Variants in ACSS3 observed in about 807,000 individuals in gnomAD.
ACSS3 encodes the protein acyl-CoA synthetase short chain family member 3, also known as acyl-CoA synthetase short-chain family member 3, mitochondrial.
A neutral mutation model predicts 84.2 loss-of-function variants in ACSS3; 64 were observed. That is an observed-to-expected ratio of 0.76 (90% CI 0.62 to 0.94). The LOEUF (loss-of-function observed/expected upper bound fraction) is 0.94, where lower values mean the gene tolerates loss of function less well. Ranked by LOEUF, ACSS3 falls within the 40% of genes least tolerant of loss-of-function variation. ACSS3 has a pLI of 0.00. For missense variants in ACSS3, 815 were observed against 867.6 expected (o/e 0.94, Z 0.76); for synonymous variants, 317 against 310.1 (o/e 1.02, Z -0.23).
At position 81,101,195 on chromosome 12, in the gene ACSS3, A is replaced by T. The variant is rs951324188; in HGVS notation, c.312-8365A>T. ...AAATGCTTCTTTTTACCAGAAGAAA[A>T]ATTTAAAGTTATATTTTTACTTAAA... On this transcript the variant is annotated intron_variant, in intron 1 of 15. Transcript: ENST00000548058. Among the ~76,000 whole-genome samples the T allele has an allele frequency of 5.3e-5, 8 of 152,168 alleles. No homozygotes were observed. The East Asian group carries it at 1.2e-3, about 22-fold the overall frequency.
intron 8 of ACSS3, among the ~76,000 whole-genome samples, chr12:81,182,495 C>A (rs528766401): frequency 5.5e-4 from 84 of 152,108 alleles, no homozygotes; most frequent in Non-Finnish European, 9.7e-4. Flanking sequence ...TAAATCATAC[C>A]TACACCTAGT....
At chr12:81,129,704 C>T (rs907908027) in intron 2 of ACSS3, among the ~76,000 whole-genome samples, 4 of 152,078 alleles carry the variant, frequency 2.6e-5, no homozygotes, top group Admixed American at 1.3e-4. Flanking sequence ...TATGCATGTA[C>T]CATGTTGGTG....
rs1886177009 is a variant in ACSS3 at position 81,143,191 on chromosome 12, C to T, written c.865C>T (p.Leu289Phe). ...KAQSHDCVPV[L>F]SEHPLYILYT... is the part of the protein sequence containing the mutation. The stretch of plus-strand genomic sequence containing the variant: ...CCAGTCACATGACTGTGTTCCTGTT[C>T]TTTCAGAACACCCACTGTATATTCT... Residue 289 changes from leucine (L) to phenylalanine (F), a missense_variant, in exon 5 of 16, where the codon CTT (leucine) becomes TTT (phenylalanine). Physicochemically the swap from Leu to Phe is conservative, Grantham distance 22 (BLOSUM62 0). Transcript: ENST00000548058. The T allele has an allele frequency of 6.2e-7, 1 of 1,613,440 alleles. No homozygotes were observed. The highest frequency in any genetic ancestry group is 2.2e-5 in the East Asian group (1 of 44,862).
intron 1 of ACSS3, among the ~76,000 whole-genome samples, chr12:81,108,890 A>C (rs536537649): frequency 6.6e-6 from 1 of 152,306 alleles, no homozygotes; most frequent in South Asian, 2.1e-4. Flanking sequence ...AAATTATTCC[A>C]TGTATCTACA....
intron 1 of ACSS3, among the ~76,000 whole-genome samples, chr12:81,102,839 A>G (rs944521584): frequency 2.0e-5 from 3 of 151,696 alleles, no homozygotes; most frequent in East Asian, 1.9e-4. Context: ...AAAAAAAAAA[A>G]GGAGAAGATT....
At chr12:81,105,041 G>A (rs1458322223) in intron 1 of ACSS3, among the ~76,000 whole-genome samples, 1 of 152,042 alleles carries the variant, frequency 6.6e-6, no homozygotes, top group Non-Finnish European at 1.5e-5. Flanking sequence ...GACCCGAGAT[G>A]TCTAGATATG....
intron 8 of ACSS3, among the ~76,000 whole-genome samples, chr12:81,176,543 C>T (rs2030491356): frequency 1.3e-5 from 2 of 151,860 alleles, no homozygotes; most frequent in Admixed American, 6.6e-5. Context: ...CACTGCACTT[C>T]AGCCTGACAA....
intron 7 of ACSS3, among the ~76,000 whole-genome samples, chr12:81,166,543 G>A (rs1393668005): frequency 6.6e-6 from 1 of 152,148 alleles, no homozygotes; most frequent in East Asian, 1.9e-4. Context: ...GTCAACAGGA[G>A]AATCCGAAAA....
At chr12:81,207,446 A>G (rs749649859) in intron 9 of ACSS3, among the ~76,000 whole-genome samples, 6 of 152,192 alleles carry the variant, frequency 3.9e-5, no homozygotes, top group Non-Finnish European at 7.4e-5. Context: ...CACTTACTCT[A>G]TAGCCAAGGG....
At chr12:81,226,493 T>C (rs1252539176) in intron 11 of ACSS3, among the ~76,000 whole-genome samples, 1 of 151,886 alleles carries the variant, frequency 6.6e-6, no homozygotes, top group Non-Finnish European at 1.5e-5. Flanking sequence ...CTCATCTGTC[T>C]TCTGATTTCA....
chr12:81,165,204 A>C (rs937047240), intron 7 of ACSS3, among the ~76,000 whole-genome samples: 1 of 152,188 alleles, frequency 6.6e-6, no homozygotes, highest in South Asian at 2.1e-4. Flanking sequence ...TAGCAAGCTC[A>C]GTTATTGTCA....
At chr12:81,210,113 G>A (rs2032530788) in intron 9 of ACSS3, among the ~76,000 whole-genome samples, 2 of 152,050 alleles carry the variant, frequency 1.3e-5, no homozygotes, top group African/African-American at 4.8e-5. Flanking sequence ...CAGCCCAGTA[G>A]GTCTCAGTAT....
chr12:81,170,308 A>G (rs2029940217), intron 7 of ACSS3, among the ~76,000 whole-genome samples: 1 of 152,160 alleles, frequency 6.6e-6, no homozygotes, highest in Non-Finnish European at 1.5e-5. Context: ...TAATACAATG[A>G]ATCATAACTG....
chr12:81,219,918 G>A, intron 10 of ACSS3, 95 bp from the exon 11 acceptor site: 1 of 760,064 alleles, frequency 1.3e-6, no homozygotes, highest in Middle Eastern at 4.4e-4. Context: ...ACTCTCTTAA[G>A]CTAGAGCTTT....
chr12:81,135,499 A>C (rs1885754678), intron 3 of ACSS3, among the ~76,000 whole-genome samples: 1 of 149,506 alleles, frequency 6.7e-6, no homozygotes, highest in Non-Finnish European at 1.5e-5. Flanking sequence ...AATACTTCTC[A>C]GCCATAACAA....
intron 13 of ACSS3, among the ~76,000 whole-genome samples, chr12:81,243,785 C>A (rs953252924): frequency 5.9e-5 from 9 of 152,122 alleles, no homozygotes; most frequent in African/African-American, 2.2e-4. Context: ...TCACTGCTGT[C>A]ATTCACTTGC....
intron 7 of ACSS3, among the ~76,000 whole-genome samples, chr12:81,174,004 G>A (rs1173864898): frequency 6.6e-6 from 1 of 152,076 alleles, no homozygotes; most frequent in African/African-American, 2.4e-5. Context: ...TAGAAACACA[G>A]GAAGAGGTAG....
At chr12:81,148,304 A>G (rs1023037115) in intron 5 of ACSS3, among the ~76,000 whole-genome samples, 1 of 152,182 alleles carries the variant, frequency 6.6e-6, no homozygotes, top group Non-Finnish European at 1.5e-5. Context: ...ACTGCACACA[A>G]CATTTACACC....
intron 7 of ACSS3, among the ~76,000 whole-genome samples, chr12:81,163,777 T>A (rs1236859219): frequency 2.0e-5 from 3 of 152,214 alleles, no homozygotes; most frequent in Non-Finnish European, 2.9e-5. Flanking sequence ...TAAAGTTTTT[T>A]AAAAATTGAA....
Sources: allele counts gnomAD v4.1 joint callset (sites outside exome capture counted in the v4.1 genomes callset), GRCh38; gene constraint gnomAD v4.1.1; transcripts MANE v1.5; gene names NCBI Gene and HGNC (gene_info 2026-07-23, HGNC 2026-07-21).